The following SCHIP1 variants were observed in gnomAD, a reference collection of about 807,000 sequenced individuals.
The protein encoded by SCHIP1 is schwannomin interacting protein 1.
In SCHIP1, 8 loss-of-function variants were observed where a neutral mutation model predicts 29.7. That is an observed-to-expected ratio of 0.27 (90% CI 0.16 to 0.49). SCHIP1 has a LOEUF of 0.49. Ranked by LOEUF, SCHIP1 falls within the 20% of genes least tolerant of loss-of-function variation. The pLI is 0.99. For missense variants in SCHIP1, 193 were observed against 294.6 expected (o/e 0.66, Z 2.52); for synonymous variants, 76 against 94.9 (o/e 0.80, Z 1.16).
chr3:159,531,760 A>G, the SCHIP1 span, among the ~76,000 whole-genome samples: 1 of 152,322 alleles, frequency 6.6e-6, no homozygotes, highest in Non-Finnish European at 1.5e-5. Flanking sequence ...CTGTTTGGCT[A>G]TTTAACCAAA....
chr3:159,754,595 TTG>T, the SCHIP1 span, among the ~76,000 whole-genome samples: 24 of 152,342 alleles, frequency 1.6e-4, no homozygotes, highest in Admixed American at 1.4e-3. Context: ...TCCTAAAAGT[TTG>T]TGTTTAGTCA....
chr3:159,643,193 A>C, the SCHIP1 span, among the ~76,000 whole-genome samples: 1 of 152,130 alleles, frequency 6.6e-6, no homozygotes, highest in Admixed American at 6.6e-5. Context: ...GTTCACAAGA[A>C]GGTTATTGTT....
intron 2 of SCHIP1, among the ~76,000 whole-genome samples, chr3:159,879,503 T>C (rs1716222271): frequency 6.6e-6 from 1 of 152,226 alleles, no homozygotes; most frequent in Admixed American, 6.5e-5. Flanking sequence ...TAGTAGATGC[T>C]CAAAAACAGT....
the SCHIP1 span, among the ~76,000 whole-genome samples, chr3:159,768,858 T>C: frequency 4.1e-4 from 62 of 152,290 alleles, no homozygotes; most frequent in African/African-American, 1.5e-3. Flanking sequence ...GCTTGAAACA[T>C]GCAGAGAGGG....
the SCHIP1 span, among the ~76,000 whole-genome samples, chr3:159,404,676 A>G: frequency 6.6e-6 from 1 of 152,342 alleles, no homozygotes; most frequent in South Asian, 2.1e-4. Flanking sequence ...GCTCCCAGAC[A>G]GCATCTTGGA....
the SCHIP1 span, among the ~76,000 whole-genome samples, chr3:159,609,362 A>G: frequency 1.3e-5 from 2 of 152,302 alleles, no homozygotes; most frequent in East Asian, 3.9e-4. Context: ...GAAGGGAAGA[A>G]AAGTGAAATA....
the SCHIP1 span, among the ~76,000 whole-genome samples, chr3:159,394,538 T>C: frequency 2.7e-3 from 405 of 152,338 alleles, 2 homozygotes; most frequent in African/African-American, 9.5e-3. Flanking sequence ...TTGTTGAATT[T>C]TGTCAAAGGC....
chr3:159,834,870 C>A (rs1020880720), upstream of SCHIP1, among the ~76,000 whole-genome samples: 6 of 152,134 alleles, frequency 3.9e-5, no homozygotes, highest in African/African-American at 1.4e-4. Flanking sequence ...GGTACCATCC[C>A]TAAGATATTT....
At chr3:159,555,582 T>C in the SCHIP1 span, among the ~76,000 whole-genome samples, 1 of 151,576 alleles carries the variant, frequency 6.6e-6, no homozygotes, top group Non-Finnish European at 1.5e-5. Flanking sequence ...CTCTCTCTCT[T>C]GTGTGTGTGT....
chr3:159,843,616 C>T (rs1247694437), intron 1 of SCHIP1, among the ~76,000 whole-genome samples: 2 of 151,736 alleles, frequency 1.3e-5, no homozygotes, highest in African/African-American at 2.4e-5. Context: ...GTCAGGAGAT[C>T]GAGACCATCC....
At chr3:159,473,830 C>A in the SCHIP1 span, among the ~76,000 whole-genome samples, 2 of 151,846 alleles carry the variant, frequency 1.3e-5, no homozygotes, top group Non-Finnish European at 2.9e-5. Context: ...AAAATAAATT[C>A]TTGAAATCAA....
the SCHIP1 span, among the ~76,000 whole-genome samples, chr3:159,443,577 C>G: frequency 1.3e-5 from 2 of 152,014 alleles, no homozygotes; most frequent in African/African-American, 4.8e-5. Context: ...GGTGCCATCT[C>G]GGCTTACTGC....
chr3:159,523,286 TTA>T, the SCHIP1 span, among the ~76,000 whole-genome samples: 1 of 152,254 alleles, frequency 6.6e-6, no homozygotes, highest in Admixed American at 6.5e-5. Flanking sequence ...CTTATAAATG[TTA>T]TAGTTTTAAT....
chr3:159,282,424 G>A, the SCHIP1 span, among the ~76,000 whole-genome samples: 1,219 of 151,244 alleles, frequency 8.1e-3, 14 homozygotes, highest in African/African-American at 0.028. Context: ...TTTTGCATTC[G>A]TATATGTGAG....
At chr3:159,300,056 C>G in the SCHIP1 span, among the ~76,000 whole-genome samples, 1 of 149,166 alleles carries the variant, frequency 6.7e-6, no homozygotes, top group Non-Finnish European at 1.5e-5. Flanking sequence ...CTATTTGCCT[C>G]CTTTGTCTGT....
At chr3:159,523,017 T>C in the SCHIP1 span, among the ~76,000 whole-genome samples, 2 of 152,288 alleles carry the variant, frequency 1.3e-5, no homozygotes, top group East Asian at 3.9e-4. Flanking sequence ...CATATACCCA[T>C]TATCTGGCCT....
the SCHIP1 span, among the ~76,000 whole-genome samples, chr3:159,587,545 G>C: frequency 6.6e-6 from 1 of 152,168 alleles, no homozygotes; most frequent in African/African-American, 2.4e-5. Flanking sequence ...ATGTATACAT[G>C]TGCCATGTTG....
the SCHIP1 span, among the ~76,000 whole-genome samples, chr3:159,621,538 C>A: frequency 7.9e-5 from 12 of 152,168 alleles, no homozygotes; most frequent in African/African-American, 2.9e-4. Flanking sequence ...CCATTGTGTT[C>A]CCCAATGAGG....
At chr3:159,558,662 C>G in the SCHIP1 span, among the ~76,000 whole-genome samples, 1 of 152,152 alleles carries the variant, frequency 6.6e-6, no homozygotes, top group South Asian at 2.1e-4. Flanking sequence ...GAAGTGGGCA[C>G]CTTTGCTCAC....
Sources: gnomAD v4.1 joint callset for allele counts (sites outside exome capture counted in the v4.1 genomes callset) on GRCh38, gnomAD v4.1.1 for gene constraint, MANE v1.5 for transcripts, NCBI Gene and HGNC (gene_info 2026-07-23, HGNC 2026-07-21) for gene names.